TTC39C: variants seen among roughly 807,000 people sequenced by gnomAD.
The protein encoded by TTC39C is tetratricopeptide repeat protein 39C.
In TTC39C, 33 loss-of-function variants were observed where a neutral mutation model predicts 76.3. The observed-to-expected ratio is 0.43, with a 90% confidence interval of 0.33 to 0.58. The LOEUF (loss-of-function observed/expected upper bound fraction) is 0.58, where lower values mean the gene tolerates loss of function less well. Among genes scored for constraint, TTC39C ranks in the 20% least tolerant of loss-of-function variants. The probability of loss-of-function intolerance (pLI) is 0.04; values close to 1 mark genes in which losing one functional copy is unlikely to be tolerated. For missense variants in TTC39C, 595 were observed against 701.4 expected (o/e 0.85, Z 1.71); for synonymous variants, 254 against 260.6 (o/e 0.97, Z 0.24).
At chr18:24,026,517 A>T (rs2083601867) in intron 1 of TTC39C, among the ~76,000 whole-genome samples, 1 of 152,216 alleles carries the variant, frequency 6.6e-6, no homozygotes. Context: ...GTAGTATGTT[A>T]TAGGGCACCT....
upstream of TTC39C, chr18:24,014,747 C>T (rs1302030668): frequency 2.6e-6 from 3 of 1,146,184 alleles, no homozygotes; most frequent in East Asian, 4.2e-5. Flanking sequence ...GTCTTCTCCC[C>T]TCCCCTCCCC....
intron 6 of TTC39C, among the ~76,000 whole-genome samples, chr18:24,093,473 T>A (rs1195534642): frequency 1.5e-5 from 2 of 135,506 alleles, no homozygotes; most frequent in African/African-American, 2.9e-5. Flanking sequence ...AGTGAGACTC[T>A]GTCTCAAAAA....
At chr18:24,098,571 T>C (rs9951896) in intron 6 of TTC39C, among the ~76,000 whole-genome samples, 47,870 of 108,522 alleles carry the variant, frequency 0.44, 10,833 homozygotes, top group South Asian at 0.63. Context: ...TCCTCTCCCT[T>C]TCTTGCTTTC....
chr18:24,125,348 C>G, intron 9 of TTC39C, 79 bp from the exon 10 acceptor site: 1 of 1,558,110 alleles, frequency 6.4e-7, no homozygotes, highest in African/African-American at 1.4e-5. Context: ...GAACTGTGTG[C>G]TTTTAAAGTG....
chr18:24,079,876 A>G (rs1354409814), intron 4 of TTC39C, among the ~76,000 whole-genome samples: 1 of 148,456 alleles, frequency 6.7e-6, no homozygotes, highest in Non-Finnish European at 1.5e-5. Flanking sequence ...GTTGTGGCTC[A>G]CTGCAGCCTT....
intron 6 of TTC39C, among the ~76,000 whole-genome samples, chr18:24,112,521 A>G (rs1173906288): frequency 6.6e-6 from 1 of 152,186 alleles, no homozygotes; most frequent in African/African-American, 2.4e-5. Context: ...TTGAAATACT[A>G]CCTGGATTTC....
At chr18:24,055,511 T>G (rs80256922) in intron 1 of TTC39C, among the ~76,000 whole-genome samples, 1 of 152,214 alleles carries the variant, frequency 6.6e-6, no homozygotes, top group Non-Finnish European at 1.5e-5. Flanking sequence ...TTCATGTGCT[T>G]ATATAGCCAT....
rs987922124 is a variant in TTC39C at position 24,117,496 on chromosome 18, G to A, written c.1079-629G>A. Among the ~76,000 whole-genome samples the A allele has an allele frequency of 1.7e-4, 26 of 152,124 alleles. 1 individual carries two copies. On this transcript the variant is annotated intron_variant, in intron 7 of 13. Coordinates refer to ENST00000317571, the MANE Select transcript of TTC39C (RefSeq NM_001135993.2). ...GTGGGCAGATCACTTGAGGTCAGGA[G>A]TTCAAGACCAGCCTAGCCAACATGG...
intron 6 of TTC39C, among the ~76,000 whole-genome samples, chr18:24,108,635 G>A (rs1471061191): frequency 6.6e-6 from 1 of 152,168 alleles, no homozygotes; most frequent in African/African-American, 2.4e-5. Flanking sequence ...GGCTTTAAAA[G>A]TACATTAGTA....
In TTC39C at chr18:24,080,717, A is replaced by G; in HGVS notation, c.593A>G (p.Asn198Ser). The change falls in exon 5 of 14, where the codon AAT becomes AGT. Residue 198 changes from asparagine to serine, a missense_variant. Physicochemically the swap from Asn to Ser is conservative, Grantham distance 46 (BLOSUM62 1). Transcript: ENST00000317571. ...GAGTCCTTGACTTCTGATGCTGCAA[A>G]TGATAATCACATTGTGGCTGAAGGG... ...TEESLTSDAANDNHIVAEGVS... is the reference protein window; with the variant it reads ...TEESLTSDAASDNHIVAEGVS... 6.2e-7 allele frequency: 1 copy of G among 1,614,174 alleles called. No homozygotes were observed. The highest frequency in any genetic ancestry group is 8.5e-7 in the Non-Finnish European group (1 of 1,180,018).
intron 1 of TTC39C, among the ~76,000 whole-genome samples, chr18:24,056,398 A>G (rs1359274577): frequency 6.6e-6 from 1 of 152,212 alleles, no homozygotes; most frequent in East Asian, 1.9e-4. Flanking sequence ...TAAGTTTAGA[A>G]CATTTTCAGA....
chr18:24,130,214 G>C (rs1264162655), intron 11 of TTC39C, 99 bp from the exon 12 acceptor site: 1 of 548,884 alleles, frequency 1.8e-6, no homozygotes, highest in Non-Finnish European at 3.2e-6. Flanking sequence ...CTAGAAAACA[G>C]AGTATGAGTC....
chr18:24,130,318 C>A lies in TTC39C; in HGVS notation c.1524C>A (p.Phe508Leu). ...AACATTTGCATTCCTTTCAGTACTT[C>A]CAGCGAGCTGTTAAAGATGAATTGT... is the stretch of plus-strand genomic sequence containing the variant. The part of the protein sequence containing the change: ...LGNSEDAVQY[F>L]QRAVKDELCR... Residue 508 changes from phenylalanine to leucine, a missense_variant, in exon 12 of 14, where the codon TTC becomes TTA. Phe to Leu is a conservative substitution (Grantham distance 22, BLOSUM62 0). Coordinates refer to ENST00000317571, the MANE Select transcript of TTC39C (RefSeq NM_001135993.2). 1 of 1,559,554 alleles carries A rather than the reference C, an allele frequency of 6.4e-7. No homozygotes were observed. The highest frequency in any genetic ancestry group is 8.7e-7 in the Non-Finnish European group (1 of 1,147,418).
chr18:24,110,078 A>G (rs2084792186), intron 6 of TTC39C, among the ~76,000 whole-genome samples: 2 of 152,202 alleles, frequency 1.3e-5, no homozygotes, highest in Admixed American at 6.5e-5. Context: ...TTAAAATGCT[A>G]TATTATGACC....
chr18:23,997,276 T>C (rs908163820), intron 1 of TTC39C, among the ~76,000 whole-genome samples: 5 of 150,758 alleles, frequency 3.3e-5, no homozygotes, highest in Non-Finnish European at 7.4e-5. Context: ...AAAGGCCAGG[T>C]GCAGTGGCTC....
At chr18:23,993,470 C>A (rs2083235770) in intron 1 of TTC39C, among the ~76,000 whole-genome samples, 1 of 152,170 alleles carries the variant, frequency 6.6e-6, no homozygotes, top group South Asian at 2.1e-4. Context: ...AGTACACGGA[C>A]CCCTTTTCAT....
At chr18:24,059,115 C>T (rs1016577545) in intron 1 of TTC39C, among the ~76,000 whole-genome samples, 1 of 152,112 alleles carries the variant, frequency 6.6e-6, no homozygotes. Flanking sequence ...TTTTAATTGT[C>T]TTGATGTCTG....
chr18:24,003,482 G>A (rs867221080), intron 1 of TTC39C, among the ~76,000 whole-genome samples: 1 of 152,072 alleles, frequency 6.6e-6, no homozygotes, highest in African/African-American at 2.4e-5. Context: ...GCACATAGTA[G>A]GTCCTCAAAA....
chr18:24,067,501 AC>A (rs944025235), intron 3 of TTC39C, among the ~76,000 whole-genome samples: 16 of 152,142 alleles, frequency 1.1e-4, no homozygotes, highest in Middle Eastern at 6.8e-3. Flanking sequence ...GAGCATTACC[AC>A]CTGAGCTTCG....
Sources: gnomAD v4.1 joint callset for allele counts (sites outside exome capture counted in the v4.1 genomes callset) on GRCh38, gnomAD v4.1.1 for gene constraint, MANE v1.5 for transcripts, NCBI Gene and HGNC (gene_info 2026-07-23, HGNC 2026-07-21) for gene names.